TBC1D14: variants seen among roughly 807,000 people sequenced by gnomAD.
The protein encoded by TBC1D14 is TBC1 domain family, member 14.
TBC1D14 carries 26 observed loss-of-function variants against 79.0 expected under a neutral mutation model. The observed-to-expected ratio is 0.33, with a 90% CI of 0.24 to 0.46. The LOEUF is 0.46. Among genes scored for constraint, TBC1D14 ranks in the 20% least tolerant of loss-of-function variants. The probability of loss-of-function intolerance (pLI) is 1.00; values close to 1 mark genes in which losing one functional copy is unlikely to be tolerated. For missense variants in TBC1D14, 769 were observed against 887.6 expected (o/e 0.87, Z 1.70); for synonymous variants, 394 against 349.9 (o/e 1.13, Z -1.40).
rs1720021338 is a variant in TBC1D14, at chr4:7,004,899, A to C, written c.1326A>C (p.Thr442=). 6.2e-7 allele frequency: 1 copy of C among 1,614,050 alleles called. No individual in the cohort carries two copies. Among genetic ancestry groups the C allele is most frequent in the Non-Finnish European group, 8.5e-7 (1 of 1,180,022 alleles). The change falls in exon 8 of 14, where the codon ACA becomes ACC. Residue 442 remains threonine, a synonymous_variant. Coordinates refer to ENST00000409757, the MANE Select transcript of TBC1D14 (RefSeq NM_020773.3). ...AGGAGAGGTGGCGGTCCCTTAGCAC[A>C]GGAGGCTCTGAAGTGGAGAACGAAG... ...RAKERWRSLS[T]GGSEVENEDA...
intron 2 of TBC1D14, among the ~76,000 whole-genome samples, chr4:6,964,311 A>G (rs1472171055): frequency 6.6e-6 from 1 of 150,990 alleles, no homozygotes; most frequent in Non-Finnish European, 1.5e-5. Context: ...ACATCCCCAC[A>G]CTCCGCGGCT....
At chr4:6,916,921 A>T (rs1723447130) in intron 1 of TBC1D14, among the ~76,000 whole-genome samples, 1 of 152,294 alleles carries the variant, frequency 6.6e-6, no homozygotes, top group South Asian at 2.1e-4. Flanking sequence ...TGCTGCAGGG[A>T]GATGCTGTCA....
At position 6,958,829 on chromosome 4, in the gene TBC1D14, A is replaced by G. The variant is rs547790199; in HGVS notation, c.723-8475A>G. The stretch of plus-strand genomic sequence containing the variant: ...AGCCGGACACTCCTCTTGGTTCTCA[A>G]GGTGTCCGTACCCCTGTCTCATTGG... On this transcript the variant is annotated intron_variant, in intron 2 of 13. Transcript: ENST00000409757. Among the ~76,000 whole-genome samples, 24 of 152,022 alleles carry G rather than the reference A, an allele frequency of 1.6e-4. No individual in the cohort carries two copies. In the South Asian group the frequency reaches 4.6e-3, roughly 29 times the overall value.
At chr4:6,960,309 C>A (rs1201947224) in intron 2 of TBC1D14, among the ~76,000 whole-genome samples, 2 of 147,648 alleles carry the variant, frequency 1.4e-5, no homozygotes, top group East Asian at 4.0e-4. Flanking sequence ...CCAGGCTGAT[C>A]TCAAACTCCT....
At chr4:7,006,921 T>C (rs1438497524) in intron 9 of TBC1D14, among the ~76,000 whole-genome samples, 195 bp downstream of exon 9, 1 of 152,230 alleles carries the variant, frequency 6.6e-6, no homozygotes, top group African/African-American at 2.4e-5. Context: ...AAATATTTAC[T>C]ATGTCCATAC....
At chr4:6,998,912 A>G in intron 5 of TBC1D14, 173 bp from the exon 6 acceptor site, 1 of 600,258 alleles carries the variant, frequency 1.7e-6, no homozygotes, top group South Asian at 2.0e-5. Context: ...AAGGGTGGAT[A>G]ATGCCTGAGC....
intron 1 of TBC1D14, among the ~76,000 whole-genome samples, chr4:6,915,765 T>A (rs908481331): frequency 1.7e-4 from 26 of 152,092 alleles, no homozygotes; most frequent in Non-Finnish European, 1.0e-4. Context: ...CTCTGGGATC[T>A]GTATACCCTC....
At chr4:6,930,967 C>T (rs11938867) in intron 2 of TBC1D14, among the ~76,000 whole-genome samples, 30 of 152,228 alleles carry the variant, frequency 2.0e-4, no homozygotes, top group African/African-American at 7.0e-4. Flanking sequence ...GTGGTGTCAT[C>T]TCGGCTCACT....
intron 2 of TBC1D14, among the ~76,000 whole-genome samples, chr4:6,949,892 G>T (rs775847412): frequency 2.7e-4 from 41 of 151,950 alleles, no homozygotes; most frequent in Admixed American, 2.0e-4. Flanking sequence ...TAAATGCAGT[G>T]AATTTTTTTA....
At chr4:6,914,947 G>A (rs1374771691) in intron 1 of TBC1D14, among the ~76,000 whole-genome samples, 3 of 152,222 alleles carry the variant, frequency 2.0e-5, no homozygotes, top group Non-Finnish European at 1.5e-5. Flanking sequence ...GCTGAGGCAG[G>A]AGAATCGCTT....
At chr4:6,914,135 C>CAAAAA (rs34129252) in intron 1 of TBC1D14, among the ~76,000 whole-genome samples, 1 of 137,528 alleles carries the variant, frequency 7.3e-6, no homozygotes. Flanking sequence ...GACCCCATCT[C>CAAAAA]AAAAAAAAAA....
At chr4:7,010,925 G>GGAT (rs1720701645) in intron 11 of TBC1D14, 144 bp downstream of exon 11, 1 of 1,012,378 alleles carries the variant, frequency 9.9e-7, no homozygotes, top group South Asian at 1.9e-5. Flanking sequence ...GTAAGGTGGA[G>GGAT]GATGATTTTG....
At chr4:6,944,236 G>A (rs542274034) in intron 2 of TBC1D14, among the ~76,000 whole-genome samples, 5 of 152,116 alleles carry the variant, frequency 3.3e-5, no homozygotes, top group African/African-American at 7.2e-5. Context: ...TGTTTCCATC[G>A]TTTGGTGTCC....
chr4:6,945,357 G>C (rs35822440), intron 2 of TBC1D14, among the ~76,000 whole-genome samples: 3,072 of 152,180 alleles, frequency 0.02, 41 homozygotes, highest in Middle Eastern at 0.051. Flanking sequence ...GATTTTTCTT[G>C]AGTGAGTAGA....
chr4:6,961,262 G>A (rs893127922), intron 2 of TBC1D14, among the ~76,000 whole-genome samples: 3 of 152,138 alleles, frequency 2.0e-5, no homozygotes, highest in Non-Finnish European at 2.9e-5. Context: ...GGCCCCCAGC[G>A]TGTTTCCCAG....
chr4:6,977,063 T>TCCTCTCCCTCTCCCTCCTCTC (rs1553863451), intron 3 of TBC1D14, among the ~76,000 whole-genome samples: 323 of 13,964 alleles, frequency 0.023, 66 homozygotes, highest in Non-Finnish European at 0.052. Context: ...TCCCTCTCCC[T>TCCTCTCCCTCTCCCTCCTCTC]CCTCTCCCTC....
At chr4:6,968,893 G>A (rs768097694) in intron 3 of TBC1D14, among the ~76,000 whole-genome samples, 1 of 152,232 alleles carries the variant, frequency 6.6e-6, no homozygotes, top group Non-Finnish European at 1.5e-5. Flanking sequence ...TGCGTCGTGG[G>A]GTTACAGAGG....
At chr4:6,977,090 CACTG>C (rs1460505859) in intron 3 of TBC1D14, among the ~76,000 whole-genome samples, 100 of 9,258 alleles carry the variant, frequency 0.011, 1 homozygote, top group South Asian at 0.019. Context: ...TCCCTCTCCC[CACTG>C]TCTCCCTCTC....
chr4:6,924,220 G>A (rs1370407056), intron 2 of TBC1D14, 109 bp downstream of exon 2: 1 of 1,402,270 alleles, frequency 7.1e-7, no homozygotes, highest in Non-Finnish European at 9.4e-7. Flanking sequence ...GGCAGGCACT[G>A]TCTCACACAG....
Sources: gnomAD v4.1 joint callset for allele counts (sites outside exome capture counted in the v4.1 genomes callset) on GRCh38, gnomAD v4.1.1 for gene constraint, MANE v1.5 for transcripts, NCBI Gene and HGNC (gene_info 2026-07-23, HGNC 2026-07-21) for gene names.